The following NWD1 variants were observed in gnomAD, a reference collection of about 807,000 sequenced individuals.
NWD1 encodes the protein NACHT domain- and WD repeat-containing protein 1.
NWD1 carries 129 observed loss-of-function variants against 135.1 expected under a neutral mutation model. That is an observed-to-expected ratio of 0.96 (90% CI 0.83 to 1.11). The LOEUF (loss-of-function observed/expected upper bound fraction) is 1.11. Among genes scored for constraint, NWD1 ranks in the 50% least tolerant of loss-of-function variants. NWD1 has a pLI of 0.00. For missense variants in NWD1, 1,740 were observed against 1,851.3 expected, an observed-to-expected ratio of 0.94 and a Z score of 1.10; for synonymous variants, 773 against 786.0, an observed-to-expected ratio of 0.98 and a Z score of 0.28.
chr19:16,748,051 T>C (rs1968396926), intron 5 of NWD1, among the ~76,000 whole-genome samples: 1 of 152,220 alleles, frequency 6.6e-6, no homozygotes, highest in African/African-American at 2.4e-5. Flanking sequence ...TGACATGATC[T>C]TGGCTCACTG....
chr19:16,752,306 G>A (rs1432538910), intron 6 of NWD1, among the ~76,000 whole-genome samples: 2 of 151,956 alleles, frequency 1.3e-5, no homozygotes, highest in Non-Finnish European at 2.9e-5. Context: ...CCAACGAGGA[G>A]GTCTTTCTGC....
chr19:16,722,197 G>T (rs1237497489), intron 1 of NWD1, among the ~76,000 whole-genome samples: 1 of 151,884 alleles, frequency 6.6e-6, no homozygotes, highest in East Asian at 2.0e-4. Context: ...TACTCAGGAG[G>T]CTGAGGTGGG....
intron 18 of NWD1, among the ~76,000 whole-genome samples, chr19:16,813,761 G>A (rs958684901): frequency 6.6e-6 from 1 of 151,788 alleles, no homozygotes; most frequent in Non-Finnish European, 1.5e-5. Flanking sequence ...AGAGATGTGA[G>A]CCACCATTCC....
rs1968206839 is a variant in NWD1 at position 16,744,270 on chromosome 19, T to C, written c.199-151T>C. 6.3e-6 allele frequency: 4 copies of C among 634,734 alleles called. No homozygotes were observed. The East Asian group carries it at 8.3e-5, about 13-fold the overall frequency. 39.3% of individuals were successfully genotyped at this position (634,734 alleles called of 1,614,324 possible). A position where few individuals can be genotyped will look rare whatever the true frequency, so the allele number is the denominator to read the frequency against. On this transcript the variant is annotated intron_variant, in intron 4 of 18. Coordinates refer to ENST00000524140, the MANE Select transcript of NWD1 (RefSeq NM_001007525.5). Reference sequence around the variant, plus strand: ...ATTAGCTGGGTATGGTGGCATGTGATTGTGGTCCAAGTGGGAGGATCACTT... The same window carrying C: ...ATTAGCTGGGTATGGTGGCATGTGACTGTGGTCCAAGTGGGAGGATCACTT...
Position 16,807,914 on chromosome 19 carries a change from C to T in NWD1, c.4065C>T (p.Ala1355=). The T allele has an allele frequency of 6.2e-7, 1 of 1,614,180 alleles. No individual in the cohort carries two copies. The change falls in exon 18 of 19, where the codon GCC becomes GCT. Residue 1355 remains alanine, a synonymous_variant. Coordinates refer to ENST00000524140, the MANE Select transcript of NWD1 (RefSeq NM_001007525.5). ...TQLPETLSSV[A]ILTDYRVVYS... ...TGCCCGAGACCCTCTCCAGCGTGGC[C>T]ATTCTGACGGACTACCGCGTGGTCT...
At chr19:16,754,315 TCCATCCATC>T (rs1968698210) in intron 6 of NWD1, among the ~76,000 whole-genome samples, 1 of 151,346 alleles carries the variant, frequency 6.6e-6, no homozygotes, top group South Asian at 2.1e-4. Context: ...CTATCTTCCA[TCCATCCATC>T]CATCCACCCA....
chr19:16,791,648 T>G, intron 14 of NWD1, 26 bp downstream of exon 14: 1 of 1,608,456 alleles, frequency 6.2e-7, no homozygotes, highest in Non-Finnish European at 8.5e-7. Context: ...GACTATGATG[T>G]GAACATTAAC....
chr19:16,807,624 A>G lies in NWD1; in HGVS notation c.3775A>G (p.Arg1259Gly). 1 of 1,544,444 alleles carries G rather than the reference A, an allele frequency of 6.5e-7. No individual in the cohort carries two copies. Among genetic ancestry groups the G allele is most frequent in the Non-Finnish European group, 8.7e-7 (1 of 1,148,004 alleles). The change falls in exon 18 of 19, where the codon AGG becomes GGG. Residue 1259 changes from arginine (R) to glycine (G), a missense_variant. By Grantham distance (125) the Arg-to-Gly change is moderately radical (BLOSUM62 -2). Transcript: ENST00000524140. ...TTCCCTGGACACCTCCAGTGAGATC[A>G]GGTGTCTGGAGGTTGCTGAGCAGCG... ...QDSLDTSSEI[R>G]CLEVAEQRKL...
rs770813803 is a variant in NWD1, at chr19:16,807,617, T to A, written c.3768T>A (p.Ser1256Arg). ...AACAAGATTCCCTGGACACCTCCAG[T>A]GAGATCAGGTGTCTGGAGGTTGCTG... ...GEEQDSLDTSSEIRCLEVAEQ... is the reference protein window; with the variant it reads ...GEEQDSLDTSREIRCLEVAEQ... The change falls in exon 18 of 19, where the codon AGT becomes AGA. Residue 1256 changes from serine (S) to arginine (R), a missense_variant. Physicochemically the swap from Ser to Arg is moderately radical, Grantham distance 110 (BLOSUM62 -1). Transcript: ENST00000524140. 1.3e-6 allele frequency: 2 copies of A among 1,534,906 alleles called. No individual in the cohort carries two copies. Among genetic ancestry groups the A allele is most frequent in the Non-Finnish European group, 8.8e-7 (1 of 1,141,798 alleles).
Position 16,744,650 on chromosome 19 carries a change from C to G in NWD1, c.428C>G (p.Ser143Cys). The G allele has an allele frequency of 1.3e-6, 2 of 1,535,978 alleles. No individual in the cohort carries two copies. Among genetic ancestry groups the G allele is most frequent in the Non-Finnish European group, 1.7e-6 (2 of 1,146,850 alleles). Reference protein sequence around the residue: ...EEATLTSVLRSGAQEARRLGL... With the variant: ...EEATLTSVLRCGAQEARRLGL... The stretch of plus-strand genomic sequence containing the variant: ...GCCACCTTAACTTCTGTCCTACGCT[C>G]TGGAGCCCAGGAGGCCCGGAGGCTG... Residue 143 changes from serine (S) to cysteine (C), a missense_variant, in exon 5 of 19, where the codon TCT becomes TGT. Physicochemically the swap from Ser to Cys is moderately radical, Grantham distance 112. Transcript: ENST00000524140.
intron 6 of NWD1, among the ~76,000 whole-genome samples, chr19:16,753,088 A>C (rs1285423478): frequency 1.3e-5 from 2 of 152,204 alleles, no homozygotes; most frequent in Non-Finnish European, 2.9e-5. Flanking sequence ...GGAGGAAGTG[A>C]GTTGTCATGG....
chr19:16,770,088 T>C (rs1218063686), intron 10 of NWD1, among the ~76,000 whole-genome samples: 1 of 152,210 alleles, frequency 6.6e-6, no homozygotes, highest in Non-Finnish European at 1.5e-5. Flanking sequence ...ATAAGGCCAA[T>C]GGCATCATCT....
chr19:16,800,530 C>G (rs1970573699), intron 17 of NWD1, among the ~76,000 whole-genome samples: 1 of 151,860 alleles, frequency 6.6e-6, no homozygotes, highest in South Asian at 2.1e-4. Context: ...GACTCTGTCC[C>G]AGAAAAATAA....
Position 16,815,636 on chromosome 19 carries a change from C to T in NWD1, c.*597C>T, listed in dbSNP as rs182764576. On this transcript the variant is annotated 3_prime_UTR_variant, in exon 19 of 19. Transcript: ENST00000524140. ...CCTCAACTCTACTGGTCCCAATTGGCCCATACGCCTAGCCCTAAACCAATT... is the reference window on the plus strand; with the variant it reads ...CCTCAACTCTACTGGTCCCAATTGGTCCATACGCCTAGCCCTAAACCAATT... The T allele has an allele frequency of 2.0e-3, 627 of 317,534 alleles. 4 individuals are homozygous for T. Among genetic ancestry groups the T allele is most frequent in the African/African-American group, 0.011 (504 of 46,088 alleles). 19.7% of individuals were successfully genotyped at this position (317,534 alleles called of 1,614,324 possible).
intron 5 of NWD1, among the ~76,000 whole-genome samples, chr19:16,747,357 AT>A (rs1315653439): frequency 3.4e-5 from 5 of 146,540 alleles, no homozygotes; most frequent in Non-Finnish European, 7.5e-5. Flanking sequence ...TTATTTATTT[AT>A]TTATTTATTT....
At chr19:16,770,074 C>T (rs974468690) in intron 10 of NWD1, among the ~76,000 whole-genome samples, 2 of 152,154 alleles carry the variant, frequency 1.3e-5, no homozygotes, top group Non-Finnish European at 2.9e-5. Context: ...AGACTCTGAG[C>T]TCCATAAGGC....
intron 12 of NWD1, among the ~76,000 whole-genome samples, chr19:16,785,951 G>T (rs1372859885): frequency 5.3e-5 from 8 of 151,534 alleles, no homozygotes; most frequent in African/African-American, 1.7e-4. Context: ...TGCAACCTCC[G>T]CCTCCCAGGT....
At chr19:16,774,862 C>T (rs1969544451) in intron 11 of NWD1, among the ~76,000 whole-genome samples, 9 of 152,066 alleles carry the variant, frequency 5.9e-5, no homozygotes, top group Admixed American at 5.3e-4. Flanking sequence ...TACGCCTCCA[C>T]CCATCCACAC....
In NWD1 at chr19:16,728,015, C is replaced by G. The variant is rs530028471; in HGVS notation, c.-6-3177C>G. Among the ~76,000 whole-genome samples, 4 of 151,700 alleles carry G rather than the reference C, an allele frequency of 2.6e-5. No individual in the cohort carries two copies. In the East Asian group the frequency reaches 5.9e-4, roughly 22 times the overall value. The stretch of plus-strand genomic sequence containing the variant: ...GGCAGAGGTTGCAGTGAGCCAAGAT[C>G]GCGCCATAGCACTCCAGCCTGAGCA... On this transcript the variant is annotated intron_variant, in intron 2 of 18. Transcript: ENST00000524140.
Sources: gnomAD v4.1 joint callset for allele counts (sites outside exome capture counted in the v4.1 genomes callset) on GRCh38, gnomAD v4.1.1 for gene constraint, MANE v1.5 for transcripts, NCBI Gene and HGNC (gene_info 2026-07-23, HGNC 2026-07-21) for gene names.